ADCY1: variants seen among roughly 807,000 people sequenced by gnomAD.
ADCY1 encodes the protein adenylate cyclase type 1.
Under a neutral mutation model 105.4 loss-of-function variants are expected in ADCY1, and 28 were observed. The observed-to-expected ratio is 0.27, with a 90% CI of 0.20 to 0.36. The LOEUF (loss-of-function observed/expected upper bound fraction) is 0.36. Ranked by LOEUF, ADCY1 falls within the 10% of genes least tolerant of loss-of-function variation. The probability of loss-of-function intolerance (pLI) is 1.00; values close to 1 mark genes in which losing one functional copy is unlikely to be tolerated. For synonymous variants in ADCY1, 655 were observed against 623.8 expected (o/e 1.05, Z -0.75); for missense variants, 977 against 1,434.2 (o/e 0.68, Z 5.15).
intron 1 of ADCY1, among the ~76,000 whole-genome samples, chr7:45,590,884 G>A (rs897844860): frequency 1.3e-5 from 2 of 152,182 alleles, no homozygotes; most frequent in Non-Finnish European, 2.9e-5. Context: ...CCAGTGTGTG[G>A]TGTTTAACGT....
At chr7:45,598,671 A>T (rs530568607) in intron 2 of ADCY1, among the ~76,000 whole-genome samples, 2 of 152,246 alleles carry the variant, frequency 1.3e-5, no homozygotes, top group Non-Finnish European at 2.9e-5. Context: ...GAAAAATCCT[A>T]TAATTATTAA....
intron 8 of ADCY1, among the ~76,000 whole-genome samples, chr7:45,665,850 A>T (rs1371925837): frequency 6.6e-6 from 1 of 152,136 alleles, no homozygotes; most frequent in Non-Finnish European, 1.5e-5. Flanking sequence ...CTAGAGGTTG[A>T]TCTCATGTCT....
Position 45,719,312 on chromosome 7 carries a change from A to G in ADCY1, c.*5317A>G, listed in dbSNP as rs1205442850. 6.6e-6 allele frequency: 1 copy of G among 152,324 alleles called. No homozygotes were observed. The highest frequency in any genetic ancestry group is 1.5e-5 in the Non-Finnish European group (1 of 68,110). 9.4% of individuals were successfully genotyped at this position (152,324 alleles called of 1,614,324 possible). A position where few individuals can be genotyped will look rare whatever the true frequency, so the allele number is the denominator to read the frequency against. ...CACCTAGAGGAGCCCTGGGACACGCACTGGAAAGTATTCTAGGGGCTTCCT... is the reference window on the plus strand; with the variant it reads ...CACCTAGAGGAGCCCTGGGACACGCGCTGGAAAGTATTCTAGGGGCTTCCT... On this transcript the variant is annotated 3_prime_UTR_variant, in exon 20 of 20. Transcript: ENST00000297323.
At chr7:45,679,847 A>T in intron 11 of ADCY1, 54 bp downstream of exon 11, 1 of 1,571,570 alleles carries the variant, frequency 6.4e-7, no homozygotes, top group Non-Finnish European at 8.7e-7. Context: ...CATGTATGTG[A>T]GTGGCCTGTA....
At chr7:45,672,695 A>AT (rs545690649) in intron 8 of ADCY1, among the ~76,000 whole-genome samples, 47 of 152,008 alleles carry the variant, frequency 3.1e-4, no homozygotes, top group African/African-American at 1.1e-3. Context: ...TTGTTCTAGG[A>AT]TTTTTTTAAT....
intron 12 of ADCY1, 54 bp from the exon 13 acceptor site, chr7:45,685,908 G>A (rs1784662179): frequency 6.4e-7 from 1 of 1,563,518 alleles, no homozygotes; most frequent in Non-Finnish European, 8.7e-7. Flanking sequence ...ATGCTTAGGG[G>A]CTGCAGGTCT....
rs1246085120 is a variant in ADCY1 at position 45,697,387 on chromosome 7, T to G, written c.2455-5989T>G. On this transcript the variant is annotated intron_variant, in intron 14 of 19. Coordinates refer to ENST00000297323, the MANE Select transcript of ADCY1 (RefSeq NM_021116.4). Reference sequence around the variant, plus strand: ...ACTGTTAGCACGAGCTCTCTTTACCTTTTTTTTTTTTTTTTTTTTTGAGGT... The same window carrying G: ...ACTGTTAGCACGAGCTCTCTTTACCGTTTTTTTTTTTTTTTTTTTTGAGGT... Among the ~76,000 whole-genome samples, 3 of 32,204 alleles carry G rather than the reference T, an allele frequency of 9.3e-5. No individual in the cohort carries two copies. In the Admixed American group the frequency reaches 1.5e-3, roughly 16 times the overall value. 21.1% of individuals were successfully genotyped at this position (32,204 alleles called of 152,430 possible). A position where few individuals can be genotyped will look rare whatever the true frequency, so the allele number is the denominator to read the frequency against.
chr7:45,644,864 A>G (rs1794618242), intron 4 of ADCY1, among the ~76,000 whole-genome samples: 1 of 152,224 alleles, frequency 6.6e-6, no homozygotes, highest in African/African-American at 2.4e-5. Flanking sequence ...GACAAAATAA[A>G]GCAATATATT....
chr7:45,668,990 T>A (rs1407837018), intron 8 of ADCY1, among the ~76,000 whole-genome samples: 1 of 152,226 alleles, frequency 6.6e-6, no homozygotes, highest in African/African-American at 2.4e-5. Context: ...TCTTTATCAT[T>A]TTATATTGCA....
At chr7:45,675,395 C>T (rs1784437690) in intron 8 of ADCY1, among the ~76,000 whole-genome samples, 1 of 152,032 alleles carries the variant, frequency 6.6e-6, no homozygotes, top group African/African-American at 2.4e-5. Flanking sequence ...TTGGTTCAAC[C>T]AGAAAACATG....
intron 2 of ADCY1, among the ~76,000 whole-genome samples, chr7:45,607,683 G>A (rs921661244): frequency 3.9e-5 from 6 of 152,222 alleles, no homozygotes; most frequent in East Asian, 1.9e-4. Context: ...GCTTCCACTC[G>A]TAAGTGAGAA....
chr7:45,668,541 C>T (rs78049762), intron 8 of ADCY1, among the ~76,000 whole-genome samples: 146,885 of 152,316 alleles, frequency 0.96, 71,035 homozygotes, highest in East Asian at 1. Flanking sequence ...CAGTATTTTA[C>T]TGAGGATTTT....
Position 45,666,061 on chromosome 7 carries a change from A to G in ADCY1, c.1605+3847A>G, listed in dbSNP as rs112730853. 6.5e-3 allele frequency among the ~76,000 whole-genome samples: 986 copies of G among 152,250 alleles called. 15 individuals carry two copies. The highest frequency in any genetic ancestry group is 0.023 in the African/African-American group (940 of 41,538). On this transcript the variant is annotated intron_variant, in intron 8 of 19. Coordinates refer to ENST00000297323, the MANE Select transcript of ADCY1 (RefSeq NM_021116.4). ...ATGCACCTGAGCCTTGGTTTCCTGAATGGAGTCAGCTCTGTGTTTTAGCAT... is the reference window on the plus strand; with the variant it reads ...ATGCACCTGAGCCTTGGTTTCCTGAGTGGAGTCAGCTCTGTGTTTTAGCAT...
At chr7:45,633,867 A>G (rs1481803729) in intron 4 of ADCY1, among the ~76,000 whole-genome samples, 1 of 152,018 alleles carries the variant, frequency 6.6e-6, no homozygotes. Context: ...AGCAAAAACC[A>G]CAATTACTTT....
At position 45,603,910 on chromosome 7, in the gene ADCY1, C is replaced by T. The variant is rs550795671; in HGVS notation, c.790-6469C>T. 7.9e-5 allele frequency among the ~76,000 whole-genome samples: 12 copies of T among 152,198 alleles called. No homozygotes were observed. In the East Asian group the frequency reaches 1.5e-3, roughly 20 times the overall value. On this transcript the variant is annotated intron_variant, in intron 2 of 19. Transcript: ENST00000297323. ...TTTGTTTCTTTTTATTACTAAGTGG[C>T]ATTCTATGGTGTGGCTGTATCACAG...
chr7:45,691,255 G>A (rs111735778), intron 14 of ADCY1, among the ~76,000 whole-genome samples: 278 of 152,268 alleles, frequency 1.8e-3, no homozygotes, highest in African/African-American at 6.3e-3. Flanking sequence ...GGGGCAGCCC[G>A]GGCAAGTCTG....
rs778487410 is a variant in ADCY1, at chr7:45,719,800, C to T, written c.*5805C>T. On this transcript the variant is annotated 3_prime_UTR_variant, in exon 20 of 20. Coordinates refer to ENST00000297323, the MANE Select transcript of ADCY1 (RefSeq NM_021116.4). ...CACGCAGGGCATTTGGGGAACCATC[C>T]CCGAATGCCCTGATGTGATTTCCCT... The T allele has an allele frequency of 5.3e-5, 8 of 152,126 alleles. No homozygotes were observed. Among genetic ancestry groups the T allele is most frequent in the Non-Finnish European group, 1.0e-4 (7 of 68,036 alleles). The allele number at this position is 152,126 out of a possible 1,614,324, so 9.4% of individuals were successfully genotyped here. A position where few individuals can be genotyped will look rare whatever the true frequency, so the allele number is the denominator to read the frequency against.
chr7:45,605,441 C>A (rs1463377406), intron 2 of ADCY1, among the ~76,000 whole-genome samples: 1 of 152,038 alleles, frequency 6.6e-6, no homozygotes, highest in Non-Finnish European at 1.5e-5. Context: ...TAGGTGTAGG[C>A]TTTTTCTGAA....
rs1202415658 is a variant in ADCY1 at position 45,719,206 on chromosome 7, T to TA, written c.*5212dup. On this transcript the variant is annotated 3_prime_UTR_variant, in exon 20 of 20. Coordinates refer to ENST00000297323, the MANE Select transcript of ADCY1 (RefSeq NM_021116.4). ...AGCCAGGGCAGCTGCTTCCTGCACA[T>TA]AGACATTCCTCCTGCGCAGGGCCAA... 1 of 152,508 alleles carries TA rather than the reference T, an allele frequency of 6.6e-6. No individual in the cohort carries two copies. The highest frequency in any genetic ancestry group is 6.5e-5 in the Admixed American group (1 of 15,278). The allele number at this position is 152,508 out of a possible 1,614,324, so 9.4% of individuals were successfully genotyped here.
Sources: gnomAD v4.1 joint callset for allele counts (sites outside exome capture counted in the v4.1 genomes callset) on GRCh38, gnomAD v4.1.1 for gene constraint, MANE v1.5 for transcripts, NCBI Gene and HGNC (gene_info 2026-07-23, HGNC 2026-07-21) for gene names.